The following FAM78B variants were observed in gnomAD, a reference collection of about 807,000 sequenced individuals.
FAM78B encodes the protein protein FAM78B.
Under a neutral mutation model 20.0 loss-of-function variants are expected in FAM78B, and 10 were observed. The observed-to-expected ratio is 0.50, with a 90% CI of 0.31 to 0.85. FAM78B has a LOEUF of 0.85. Ranked by LOEUF, FAM78B falls within the 40% of genes least tolerant of loss-of-function variation. The pLI is 0.05. For missense variants in FAM78B, 283 were observed against 345.0 expected (o/e 0.82, Z 1.42); for synonymous variants, 135 against 132.8 (o/e 1.02, Z -0.12).
intron 1 of FAM78B, among the ~76,000 whole-genome samples, chr1:166,161,454 T>C (rs1656145730): frequency 6.6e-6 from 1 of 152,202 alleles, no homozygotes; most frequent in Non-Finnish European, 1.5e-5. Flanking sequence ...GGTAAGTTAT[T>C]AAAAGGTTTA....
chr1:166,134,393 G>C (rs1281271148), intron 1 of FAM78B, among the ~76,000 whole-genome samples: 1 of 152,178 alleles, frequency 6.6e-6, no homozygotes, highest in Non-Finnish European at 1.5e-5. Context: ...GCTAGTGGCA[G>C]AGGCAGGACT....
intron 1 of FAM78B, among the ~76,000 whole-genome samples, chr1:166,135,737 G>A (rs1655042755): frequency 6.6e-6 from 1 of 152,190 alleles, no homozygotes; most frequent in Non-Finnish European, 1.5e-5. Context: ...TGGACTACCT[G>A]CCCCAAACAA....
intron 1 of FAM78B, among the ~76,000 whole-genome samples, chr1:166,155,969 A>G (rs1248117052): frequency 6.6e-6 from 1 of 152,188 alleles, no homozygotes; most frequent in Non-Finnish European, 1.5e-5. Flanking sequence ...ACCTGCCGCC[A>G]CACATGCCCC....
intron 1 of FAM78B, among the ~76,000 whole-genome samples, chr1:166,072,328 C>T (rs1652082300): frequency 6.6e-6 from 1 of 152,194 alleles, no homozygotes; most frequent in Admixed American, 6.5e-5. Flanking sequence ...GGTGACCCCA[C>T]AGCTGCAAGA....
At chr1:166,080,099 C>T (rs1242025416) in intron 1 of FAM78B, among the ~76,000 whole-genome samples, 2 of 152,200 alleles carry the variant, frequency 1.3e-5, no homozygotes, top group Non-Finnish European at 2.9e-5. Context: ...GGGGCAGAAT[C>T]AAACTGTGAA....
intron 1 of FAM78B, among the ~76,000 whole-genome samples, chr1:166,120,098 A>C (rs965740881): frequency 6.6e-6 from 1 of 152,244 alleles, no homozygotes; most frequent in African/African-American, 2.4e-5. Context: ...TGGGCTGCCG[A>C]GAATCAAAGA....
At position 166,166,369 on chromosome 1, in the gene FAM78B, G is replaced by A. The variant is rs1656385331; in HGVS notation, c.-121C>T. 1 of 905,506 alleles carries A rather than the reference G, an allele frequency of 1.1e-6. No individual in the cohort carries two copies. The highest frequency in any genetic ancestry group is 1.3e-6 in the Non-Finnish European group (1 of 746,550). The allele number at this position is 905,506 out of a possible 1,614,324, so 56.1% of individuals were successfully genotyped here. A position where few individuals can be genotyped will look rare whatever the true frequency, so the allele number is the denominator to read the frequency against. ...GCTCGCTCCCGGTCAGACTCAGCTC[G>A]CACCTAGGAGCGGGGAGCCGCCGGG... On this transcript the variant is annotated 5_prime_UTR_variant, in exon 1 of 2. Coordinates refer to ENST00000354422, the MANE Select transcript of FAM78B (RefSeq NM_001017961.5).
At chr1:166,056,607 G>T (rs1347409822), downstream of FAM78B, among the ~76,000 whole-genome samples, 1 of 152,108 alleles carries the variant, frequency 6.6e-6, no homozygotes, top group Admixed American at 6.5e-5. Context: ...ACTGCCTCAG[G>T]AACTCAAACT....
intron 1 of FAM78B, among the ~76,000 whole-genome samples, chr1:166,118,185 G>A (rs561171511): frequency 6.6e-6 from 1 of 152,288 alleles, no homozygotes; most frequent in East Asian, 1.9e-4. Flanking sequence ...CTCACAGACA[G>A]GAGCTTGGAT....
chr1:166,097,275 A>G (rs1252446930), intron 1 of FAM78B, among the ~76,000 whole-genome samples: 1 of 152,168 alleles, frequency 6.6e-6, no homozygotes, highest in Non-Finnish European at 1.5e-5. Context: ...CCAACGGGAG[A>G]GGAGCAGTGG....
intron 1 of FAM78B, among the ~76,000 whole-genome samples, chr1:166,157,908 T>C (rs1335848950): frequency 6.6e-6 from 1 of 152,134 alleles, no homozygotes; most frequent in Admixed American, 6.5e-5. Flanking sequence ...CTCCTCAGCA[T>C]GAAAGGAGCT....
At chr1:166,056,282 G>A (rs2101937463), downstream of FAM78B, among the ~76,000 whole-genome samples, 1 of 148,300 alleles carries the variant, frequency 6.7e-6, no homozygotes, top group African/African-American at 2.5e-5. Flanking sequence ...GTGTGTGCGT[G>A]TGTAGAGAGA....
At position 166,105,119 on chromosome 1, in the gene FAM78B, T is replaced by A. The variant is rs544286280; in HGVS notation, c.264-34356A>T. ...AGCAATGGGGAAAGGATTCCCTATT[T>A]AATAAATGGTGCTGGGAAAACTGGC... On this transcript the variant is annotated intron_variant, in intron 1 of 1. Transcript: ENST00000354422. Among the ~76,000 whole-genome samples the A allele has an allele frequency of 2.6e-5, 4 of 152,178 alleles. No individual in the cohort carries two copies. The South Asian group carries it at 8.3e-4, about 32-fold the overall frequency.
At chr1:166,113,615 C>T (rs969453519) in intron 1 of FAM78B, among the ~76,000 whole-genome samples, 3 of 152,344 alleles carry the variant, frequency 2.0e-5, no homozygotes, top group East Asian at 3.9e-4. Context: ...CCTGAAAATT[C>T]CTCCAGCTGG....
intron 1 of FAM78B, among the ~76,000 whole-genome samples, chr1:166,106,731 G>GGGAGGGAAGGA (rs1450758419): frequency 2.0e-5 from 3 of 152,114 alleles, no homozygotes; most frequent in Non-Finnish European, 2.9e-5. Context: ...GGGGGAGAGA[G>GGGAGGGAAGGA]GGAGGGAAGG....
At chr1:166,125,122 G>A (rs1379247982) in intron 1 of FAM78B, among the ~76,000 whole-genome samples, 1 of 152,118 alleles carries the variant, frequency 6.6e-6, no homozygotes, top group East Asian at 1.9e-4. Context: ...CCTATGTTGG[G>A]GTATGCAGGT....
Position 166,166,324 on chromosome 1 carries a change from C to T in FAM78B, c.-76G>A. 1.8e-6 allele frequency: 2 copies of T among 1,091,736 alleles called. No homozygotes were observed. Among genetic ancestry groups the T allele is most frequent in the Non-Finnish European group, 2.2e-6 (2 of 897,668 alleles). The allele number at this position is 1,091,736 out of a possible 1,614,324, so 67.6% of individuals were successfully genotyped here. The stretch of plus-strand genomic sequence containing the variant: ...CGCGGGCAGCCGGGGGCGCCCGTCA[C>T]GCCGGCATGGCGACGCGCCGCTCGC... On this transcript the variant is annotated 5_prime_UTR_variant, in exon 1 of 2. In the 5' UTR this introduces an upstream ATG that the reference lacks. Coordinates refer to ENST00000354422, the MANE Select transcript of FAM78B (RefSeq NM_001017961.5).
chr1:166,130,411 TCA>T (rs1325070623), intron 1 of FAM78B, among the ~76,000 whole-genome samples: 1 of 152,202 alleles, frequency 6.6e-6, no homozygotes, highest in Admixed American at 6.5e-5. Flanking sequence ...TCTTATATTT[TCA>T]CACAGTTATT....
At chr1:166,158,823 C>G (rs6663205) in intron 1 of FAM78B, among the ~76,000 whole-genome samples, 138,981 of 152,340 alleles carry the variant, frequency 0.91, 64,036 homozygotes, top group Middle Eastern at 0.99. Flanking sequence ...ATCCCTTCCA[C>G]GGACCCTCAG....
Sources: gnomAD v4.1 joint callset for allele counts (sites outside exome capture counted in the v4.1 genomes callset) on GRCh38, gnomAD v4.1.1 for gene constraint, MANE v1.5 for transcripts, NCBI Gene and HGNC (gene_info 2026-07-23, HGNC 2026-07-21) for gene names.